Variants in GALNTL6 observed in about 807,000 individuals in gnomAD.
GALNTL6 encodes polypeptide N-acetylgalactosaminyltransferase like 6.
In GALNTL6, 46 loss-of-function variants were observed where a neutral mutation model predicts 73.7. The observed-to-expected ratio is 0.62, with a 90% CI of 0.49 to 0.80. GALNTL6 has a LOEUF of 0.80. Ranked by LOEUF, GALNTL6 falls within the 30% of genes least tolerant of loss-of-function variation. GALNTL6 has a pLI of 0.00. For synonymous variants in GALNTL6, 259 were observed against 263.7 expected, an observed-to-expected ratio of 0.98 and a Z score of 0.17; for missense variants, 604 against 755.0, an observed-to-expected ratio of 0.80 and a Z score of 2.34.
chr4:172,120,143 T>C (rs573206682), intron 2 of GALNTL6, among the ~76,000 whole-genome samples: 1 of 152,322 alleles, frequency 6.6e-6, no homozygotes, highest in South Asian at 2.1e-4. Flanking sequence ...TAAGTCATAA[T>C]AGAGCCATAA....
intron 2 of GALNTL6, among the ~76,000 whole-genome samples, chr4:171,896,284 T>G (rs1001778573): frequency 6.6e-6 from 1 of 152,218 alleles, no homozygotes; most frequent in East Asian, 1.9e-4. Context: ...CTGTTTAAAG[T>G]AAAACTGTAA....
At chr4:172,913,195 ATCAACAAAAAG>A (rs1747308110) in intron 8 of GALNTL6, among the ~76,000 whole-genome samples, 1 of 152,200 alleles carries the variant, frequency 6.6e-6, no homozygotes, top group South Asian at 2.1e-4. Flanking sequence ...AAGGAATAAC[ATCAACAAAAAG>A]GACATCCACA....
intron 2 of GALNTL6, among the ~76,000 whole-genome samples, chr4:172,032,227 T>C (rs1741791205): frequency 6.6e-6 from 1 of 152,070 alleles, no homozygotes; most frequent in African/African-American, 2.4e-5. Context: ...GAAAAGTCAA[T>C]TTGGTCACTA....
intron 5 of GALNTL6, among the ~76,000 whole-genome samples, chr4:172,714,488 A>G (rs1380479548): frequency 1.3e-5 from 2 of 152,346 alleles, no homozygotes; most frequent in African/African-American, 4.8e-5. Context: ...ACAGGCAGCC[A>G]TAAAGCAAAA....
intron 5 of GALNTL6, among the ~76,000 whole-genome samples, chr4:172,500,333 A>G (rs1023573385): frequency 8.5e-5 from 13 of 152,306 alleles, no homozygotes; most frequent in Middle Eastern, 6.8e-3. Flanking sequence ...AGACAGGAGG[A>G]TGGCTTGAGC....
At chr4:172,760,868 GA>G (rs1181646178) in intron 5 of GALNTL6, among the ~76,000 whole-genome samples, 1 of 152,188 alleles carries the variant, frequency 6.6e-6, no homozygotes, top group Non-Finnish European at 1.5e-5. Flanking sequence ...GGAGCCCACA[GA>G]AATGAGAAAA....
chr4:172,211,808 T>C (rs950289862), intron 2 of GALNTL6, among the ~76,000 whole-genome samples: 3 of 152,188 alleles, frequency 2.0e-5, no homozygotes, highest in African/African-American at 7.2e-5. Context: ...AGTCCTCACG[T>C]AGCAGAAAGG....
At chr4:172,352,464 A>G (rs2111223389) in intron 5 of GALNTL6, among the ~76,000 whole-genome samples, 1 of 152,310 alleles carries the variant, frequency 6.6e-6, no homozygotes, top group South Asian at 2.1e-4. Flanking sequence ...TGAGAAATAC[A>G]TTTAACAACT....
At chr4:172,559,646 A>T (rs574029753) in intron 5 of GALNTL6, among the ~76,000 whole-genome samples, 1 of 152,324 alleles carries the variant, frequency 6.6e-6, no homozygotes, top group African/African-American at 2.4e-5. Context: ...AGTATTTTTC[A>T]TATAGTAAAC....
chr4:172,652,798 T>A (rs1740535631), intron 5 of GALNTL6, among the ~76,000 whole-genome samples: 1 of 152,214 alleles, frequency 6.6e-6, no homozygotes, highest in Non-Finnish European at 1.5e-5. Flanking sequence ...AGCCAATACT[T>A]CTCAATTTGA....
intron 5 of GALNTL6, among the ~76,000 whole-genome samples, chr4:172,531,682 T>C (rs940989786): frequency 6.6e-6 from 1 of 152,196 alleles, no homozygotes; most frequent in Non-Finnish European, 1.5e-5. Context: ...ATGGTAATGC[T>C]GCTGGCTGAG....
chr4:172,174,256 A>G (rs1164876528), intron 2 of GALNTL6, among the ~76,000 whole-genome samples: 1 of 152,214 alleles, frequency 6.6e-6, no homozygotes, highest in Non-Finnish European at 1.5e-5. Context: ...CATGCTATGA[A>G]GAAAATGTGA....
chr4:171,893,550 T>C (rs1215884455), intron 2 of GALNTL6, among the ~76,000 whole-genome samples: 7 of 152,094 alleles, frequency 4.6e-5, no homozygotes, highest in Admixed American at 1.3e-4. Flanking sequence ...ATGTAGAAAA[T>C]AGAAAATGCC....
chr4:172,385,621 C>T (rs916648871), intron 5 of GALNTL6, among the ~76,000 whole-genome samples: 1 of 151,872 alleles, frequency 6.6e-6, no homozygotes, highest in East Asian at 1.9e-4. Context: ...TAGTATATCT[C>T]ATTTTTGTCT....
chr4:172,429,172 T>TGTA (rs1731338701), intron 5 of GALNTL6, among the ~76,000 whole-genome samples: 1 of 113,180 alleles, frequency 8.8e-6, no homozygotes, highest in Non-Finnish European at 2.0e-5. Flanking sequence ...TTTATTTTGT[T>TGTA]TTATTATTTT....
intron 2 of GALNTL6, among the ~76,000 whole-genome samples, chr4:172,089,468 T>C (rs1732138001): frequency 6.6e-6 from 1 of 152,082 alleles, no homozygotes; most frequent in Non-Finnish European, 1.5e-5. Flanking sequence ...TGCAGGGCTT[T>C]AGGAAAAAGG....
chr4:172,358,044 T>C (rs944529292), intron 5 of GALNTL6, among the ~76,000 whole-genome samples: 1 of 152,322 alleles, frequency 6.6e-6, no homozygotes, highest in Non-Finnish European at 1.5e-5. Context: ...AAAAAGATTT[T>C]CCTTTTATTT....
chr4:171,821,114 C>T (rs1168502517), intron 2 of GALNTL6, among the ~76,000 whole-genome samples: 3 of 152,108 alleles, frequency 2.0e-5, no homozygotes, highest in Non-Finnish European at 4.4e-5. Flanking sequence ...TAACTCGCTG[C>T]AGCCTCAGTC....
chr4:172,565,255 A>G (rs1228292690), intron 5 of GALNTL6, among the ~76,000 whole-genome samples: 1 of 152,226 alleles, frequency 6.6e-6, no homozygotes, highest in Non-Finnish European at 1.5e-5. Context: ...GGGGAAACCA[A>G]TATTCATTCT....
Sources: gnomAD v4.1 joint callset for allele counts (sites outside exome capture counted in the v4.1 genomes callset) on GRCh38, gnomAD v4.1.1 for gene constraint, MANE v1.5 for transcripts, NCBI Gene and HGNC (gene_info 2026-07-23, HGNC 2026-07-21) for gene names.